The following SHLD1 variants were observed in gnomAD, a reference collection of about 807,000 sequenced individuals.
SHLD1 encodes shieldin complex subunit 1.
SHLD1 carries 3 observed loss-of-function variants against 5.5 expected under a neutral mutation model. The ratio of observed to expected loss-of-function variants is 0.54; its 90% CI spans 0.25 to 1.40. The LOEUF is 1.40. Ranked by LOEUF, SHLD1 falls within the 40% of genes most tolerant of loss-of-function variation. The pLI is 0.15. For missense variants in SHLD1, 210 were observed against 244.4 expected, an observed-to-expected ratio of 0.86 and a Z score of 0.94; for synonymous variants, 92 against 94.3, an observed-to-expected ratio of 0.98 and a Z score of 0.14.
At chr20:5,845,207 T>G (rs544588813) in intron 2 of SHLD1, among the ~76,000 whole-genome samples, 2 of 152,344 alleles carry the variant, frequency 1.3e-5, no homozygotes, top group East Asian at 3.9e-4. Flanking sequence ...TTCTTGTTAC[T>G]AAGGTACTAA....
chr20:5,752,615 G>GTTTTT (rs776510495), intron 1 of SHLD1, among the ~76,000 whole-genome samples: 2 of 120,616 alleles, frequency 1.7e-5, no homozygotes, highest in African/African-American at 6.0e-5. Context: ...ATATTTTGGG[G>GTTTTT]TTTTTTTTTT....
intron 2 of SHLD1, among the ~76,000 whole-genome samples, chr20:5,794,071 C>A (rs1010186802): frequency 6.6e-6 from 1 of 151,904 alleles, no homozygotes; most frequent in Non-Finnish European, 1.5e-5. Context: ...TCTACATTTT[C>A]TGATTGTTTG....
At chr20:5,840,538 C>T (rs189681542) in intron 2 of SHLD1, among the ~76,000 whole-genome samples, 5 of 152,284 alleles carry the variant, frequency 3.3e-5, no homozygotes, top group East Asian at 1.9e-4. Context: ...GTAGTGATAG[C>T]GTCCTGATTT....
chr20:5,849,369 CAG>C (rs751731197), intron 2 of SHLD1, among the ~76,000 whole-genome samples: 142 of 152,246 alleles, frequency 9.3e-4, no homozygotes, highest in South Asian at 7.5e-3. Context: ...GTGGTGAAAA[CAG>C]GGAAAAGGAA....
At chr20:5,757,071 CT>C (rs753877287) in intron 1 of SHLD1, among the ~76,000 whole-genome samples, 3,631 of 123,154 alleles carry the variant, frequency 0.029, 26 homozygotes, top group African/African-American at 0.048. Flanking sequence ...TTCTTTCTTT[CT>C]TTTTTTTTTT....
chr20:5,848,752 T>G lies in SHLD1; in HGVS notation c.179-14272T>G, dbSNP rs6053742. Among the ~76,000 whole-genome samples the G allele has an allele frequency of 1.1e-3, 160 of 152,346 alleles. 1 individual carries two copies. The highest frequency in any genetic ancestry group is 3.5e-3 in the African/African-American group (146 of 41,594). The stretch of plus-strand genomic sequence containing the variant: ...CTTATTAAATTGCCCTGGCGCCTAC[T>G]TTTAGGACTATTTACTAAACACACC... On this transcript the variant is annotated intron_variant, in intron 2 of 2. Coordinates refer to ENST00000303142, the MANE Select transcript of SHLD1 (RefSeq NM_152504.4).
intron 2 of SHLD1, among the ~76,000 whole-genome samples, chr20:5,826,027 G>C (rs923264796): frequency 6.6e-6 from 1 of 152,214 alleles, no homozygotes; most frequent in African/African-American, 2.4e-5. Flanking sequence ...CATGGGTATA[G>C]GGCCACACGG....
At chr20:5,802,341 C>T (rs1020520326) in intron 2 of SHLD1, among the ~76,000 whole-genome samples, 7 of 152,300 alleles carry the variant, frequency 4.6e-5, no homozygotes, top group Admixed American at 3.3e-4. Context: ...TCTTGAGACA[C>T]TGTTAGGGGT....
At chr20:5,754,377 C>T (rs899250025) in intron 1 of SHLD1, among the ~76,000 whole-genome samples, 7 of 152,122 alleles carry the variant, frequency 4.6e-5, no homozygotes, top group Non-Finnish European at 8.8e-5. Flanking sequence ...TCCCAAAGTG[C>T]TGGGACTACA....
chr20:5,829,734 G>T (rs957740449), intron 2 of SHLD1, among the ~76,000 whole-genome samples: 1 of 152,150 alleles, frequency 6.6e-6, no homozygotes, highest in Non-Finnish European at 1.5e-5. Context: ...GTGAGTGGTT[G>T]GGTTTGTATG....
At chr20:5,765,353 C>G (rs1445919264) in intron 1 of SHLD1, among the ~76,000 whole-genome samples, 3 of 152,158 alleles carry the variant, frequency 2.0e-5, no homozygotes, top group Non-Finnish European at 4.4e-5. Flanking sequence ...TCAAGTGATT[C>G]TTCTGCCTGA....
chr20:5,754,523 ACT>A (rs1337145343), intron 1 of SHLD1, among the ~76,000 whole-genome samples: 2 of 151,998 alleles, frequency 1.3e-5, no homozygotes, highest in Non-Finnish European at 2.9e-5. Context: ...AAAAAGCCAA[ACT>A]CTGTAAAATA....
chr20:5,764,241 ATTTC>A, intron 1 of SHLD1, among the ~76,000 whole-genome samples: 1 of 121,726 alleles, frequency 8.2e-6, no homozygotes, highest in East Asian at 2.2e-4. Flanking sequence ...ATATATATAC[ATTTC>A]TTTGTCTATT....
chr20:5,844,788 TATATATATATA>T (rs2087909142), intron 2 of SHLD1, among the ~76,000 whole-genome samples: 1 of 106,756 alleles, frequency 9.4e-6, no homozygotes, highest in African/African-American at 4.7e-5. Flanking sequence ...TATATATATA[TATATATATATA>T]TTTTTTTTTT....
intron 2 of SHLD1, among the ~76,000 whole-genome samples, chr20:5,857,539 T>C (rs1049470569): frequency 6.6e-6 from 1 of 152,186 alleles, no homozygotes; most frequent in Non-Finnish European, 1.5e-5. Flanking sequence ...TCAGGTGCTG[T>C]GTCTCACACC....
intron 1 of SHLD1, among the ~76,000 whole-genome samples, chr20:5,759,151 C>T (rs981883694): frequency 6.6e-6 from 1 of 151,158 alleles, no homozygotes; most frequent in African/African-American, 2.4e-5. Flanking sequence ...AGACGGGGTT[C>T]CGTTATGTTG....
chr20:5,790,164 C>T (rs572297781), intron 2 of SHLD1, among the ~76,000 whole-genome samples: 33 of 152,262 alleles, frequency 2.2e-4, no homozygotes, highest in Admixed American at 5.9e-4. Flanking sequence ...AGCTGGGGGG[C>T]ACTGGCAGAG....
chr20:5,839,917 G>GC (rs2122465036), intron 2 of SHLD1, among the ~76,000 whole-genome samples: 1 of 152,182 alleles, frequency 6.6e-6, no homozygotes, highest in African/African-American at 2.4e-5. Context: ...TTGTCCCTGC[G>GC]CCCCCACAAT....
intron 2 of SHLD1, among the ~76,000 whole-genome samples, chr20:5,833,453 A>G (rs1473062249): frequency 6.6e-6 from 1 of 152,176 alleles, no homozygotes; most frequent in Non-Finnish European, 1.5e-5. Flanking sequence ...TGACCTTTAA[A>G]AGACCTTAAT....
Sources: allele counts gnomAD v4.1 joint callset (sites outside exome capture counted in the v4.1 genomes callset), GRCh38; gene constraint gnomAD v4.1.1; transcripts MANE v1.5; gene names NCBI Gene and HGNC (gene_info 2026-07-23, HGNC 2026-07-21).